STXBP5L: variants seen among roughly 807,000 people sequenced by gnomAD.
STXBP5L encodes syntaxin binding protein 5L.
Under a neutral mutation model 144.5 loss-of-function variants are expected in STXBP5L, and 65 were observed. The ratio of observed to expected loss-of-function variants is 0.45; its 90% CI spans 0.37 to 0.55. STXBP5L has a LOEUF of 0.55. Among genes scored for constraint, STXBP5L ranks in the 20% least tolerant of loss-of-function variants. STXBP5L has a pLI of 0.00. For synonymous variants in STXBP5L, 505 were observed against 469.6 expected, an observed-to-expected ratio of 1.08 and a Z score of -0.97; for missense variants, 1,298 against 1,405.5, an observed-to-expected ratio of 0.92 and a Z score of 1.22.
At chr3:121,091,620 G>A (rs1156238930) in intron 5 of STXBP5L, among the ~76,000 whole-genome samples, 1 of 151,812 alleles carries the variant, frequency 6.6e-6, no homozygotes, top group Non-Finnish European at 1.5e-5. Context: ...ACTTTTTGAT[G>A]GGGTTGTTTT....
At chr3:121,399,693 T>C (rs1337802197) in intron 22 of STXBP5L, among the ~76,000 whole-genome samples, 1 of 152,250 alleles carries the variant, frequency 6.6e-6, no homozygotes, top group African/African-American at 2.4e-5. Flanking sequence ...GGCTTAAGAA[T>C]ACCTTTAAGC....
chr3:121,062,566 TG>T (rs1452705433), intron 5 of STXBP5L, among the ~76,000 whole-genome samples: 1 of 152,244 alleles, frequency 6.6e-6, no homozygotes, highest in African/African-American at 2.4e-5. Flanking sequence ...CTTGCTAGGT[TG>T]GGGAAGTTCT....
At chr3:120,979,798 T>C (rs1941554824) in intron 3 of STXBP5L, among the ~76,000 whole-genome samples, 1 of 152,228 alleles carries the variant, frequency 6.6e-6, no homozygotes, top group African/African-American at 2.4e-5. Flanking sequence ...GTTCTTGTTC[T>C]TGAGGTGTGA....
rs1392909234 is a variant in STXBP5L, at chr3:121,405,162, TC to T, written c.2588-2078del. On this transcript the variant is annotated intron_variant, in intron 22 of 26. Coordinates refer to ENST00000471454, the MANE Select transcript of STXBP5L (RefSeq NM_001308330.2). ...TAATCTTAATTATTTCCTTAAAGGC[TC>T]CCTCTTCAAATAGATCCATAGTGGG... Among the ~76,000 whole-genome samples, 5 of 152,126 alleles carry T rather than the reference TC, an allele frequency of 3.3e-5. No homozygotes were observed. The East Asian group carries it at 9.6e-4, about 29-fold the overall frequency.
intron 14 of STXBP5L, among the ~76,000 whole-genome samples, chr3:121,247,194 AT>A (rs2049883115): frequency 6.6e-6 from 1 of 152,132 alleles, no homozygotes; most frequent in African/African-American, 2.4e-5. Flanking sequence ...ACTCTCTAAT[AT>A]GTTTCACTGA....
At chr3:121,231,715 G>A (rs2049315276) in intron 11 of STXBP5L, among the ~76,000 whole-genome samples, 1 of 152,150 alleles carries the variant, frequency 6.6e-6, no homozygotes, top group South Asian at 2.1e-4. Context: ...CCAATGGGTT[G>A]GGTATCCTCT....
At chr3:121,036,237 G>A (rs1946743630) in intron 3 of STXBP5L, among the ~76,000 whole-genome samples, 1 of 152,086 alleles carries the variant, frequency 6.6e-6, no homozygotes. Context: ...GGAAGCTGAG[G>A]CAGGAGAATC....
At chr3:121,172,914 A>G (rs183745710) in intron 9 of STXBP5L, among the ~76,000 whole-genome samples, 1 of 152,330 alleles carries the variant, frequency 6.6e-6, no homozygotes, top group Non-Finnish European at 1.5e-5. Flanking sequence ...ACAATAGCAA[A>G]TACTTGGAAC....
At chr3:120,961,424 G>A (rs1195564030) in intron 3 of STXBP5L, among the ~76,000 whole-genome samples, 2 of 151,654 alleles carry the variant, frequency 1.3e-5, no homozygotes, top group African/African-American at 4.8e-5. Context: ...CCCTCCCCCA[G>A]CCCTCGTCCC....
intron 3 of STXBP5L, among the ~76,000 whole-genome samples, chr3:120,961,903 A>G (rs954899291): frequency 1.3e-5 from 2 of 151,972 alleles, no homozygotes; most frequent in African/African-American, 4.8e-5. Context: ...GTGTAAATGC[A>G]TTCCTATTTC....
chr3:121,366,654 A>T (rs1426059367), intron 20 of STXBP5L, among the ~76,000 whole-genome samples: 3 of 152,088 alleles, frequency 2.0e-5, no homozygotes. Flanking sequence ...TGAGTCTGTT[A>T]TAAACCATGT....
intron 18 of STXBP5L, among the ~76,000 whole-genome samples, chr3:121,276,072 C>CA (rs1553755662): frequency 6.1e-5 from 9 of 148,454 alleles, no homozygotes; most frequent in African/African-American, 2.0e-4. Flanking sequence ...CCCACTCCCC[C>CA]TTTTTTTTTT....
chr3:121,048,236 TC>T (rs1947660737), intron 5 of STXBP5L, among the ~76,000 whole-genome samples: 1 of 152,168 alleles, frequency 6.6e-6, no homozygotes, highest in Non-Finnish European at 1.5e-5. Context: ...TGATGGGGTT[TC>T]CTTTGTAGGT....
chr3:121,372,613 G>T (rs2046066387), intron 20 of STXBP5L, among the ~76,000 whole-genome samples: 1 of 152,088 alleles, frequency 6.6e-6, no homozygotes, highest in Non-Finnish European at 1.5e-5. Flanking sequence ...CGTGGTGTGT[G>T]GTAGCCCAAT....
chr3:121,290,895 C>T (rs1338929656), intron 19 of STXBP5L, among the ~76,000 whole-genome samples: 1 of 151,926 alleles, frequency 6.6e-6, no homozygotes, highest in African/African-American at 2.4e-5. Context: ...AGAAGGAAAA[C>T]AACTAAGGGT....
chr3:121,036,586 T>C (rs1946768970), intron 3 of STXBP5L, among the ~76,000 whole-genome samples: 1 of 152,122 alleles, frequency 6.6e-6, no homozygotes. Flanking sequence ...GTATTGTTCC[T>C]CTTGCTGTTA....
intron 2 of STXBP5L, among the ~76,000 whole-genome samples, chr3:120,920,653 A>G (rs1283044830): frequency 1.3e-5 from 2 of 151,290 alleles, no homozygotes; most frequent in Admixed American, 1.3e-4. Context: ...TCATTTTCCC[A>G]CCCTCCTTCC....
At chr3:121,188,951 C>G (rs1026684222) in intron 9 of STXBP5L, among the ~76,000 whole-genome samples, 2 of 152,168 alleles carry the variant, frequency 1.3e-5, no homozygotes, top group Non-Finnish European at 2.9e-5. Context: ...TTTGAAAGTT[C>G]TGGCCAGGGC....
intron 20 of STXBP5L, among the ~76,000 whole-genome samples, chr3:121,342,242 G>A (rs1009560299): frequency 5.9e-5 from 9 of 151,954 alleles, no homozygotes; most frequent in Non-Finnish European, 1.3e-4. Flanking sequence ...CTAATAAACA[G>A]GAGTTTTAAT....
Sources: allele counts gnomAD v4.1 joint callset (sites outside exome capture counted in the v4.1 genomes callset), GRCh38; gene constraint gnomAD v4.1.1; transcripts MANE v1.5; gene names NCBI Gene and HGNC (gene_info 2026-07-23, HGNC 2026-07-21).